The following PLXDC2 variants were observed in gnomAD, a reference collection of about 807,000 sequenced individuals.
The protein encoded by PLXDC2 is plexin domain containing 2.
PLXDC2 carries 40 observed loss-of-function variants against 68.9 expected under a neutral mutation model. The observed-to-expected ratio is 0.58, with a 90% CI of 0.45 to 0.76. The LOEUF (loss-of-function observed/expected upper bound fraction) is 0.76, where lower values mean the gene tolerates loss of function less well. Ranked by LOEUF, PLXDC2 falls within the 30% of genes least tolerant of loss-of-function variation. PLXDC2 has a pLI of 0.00. For missense variants in PLXDC2, 644 were observed against 661.9 expected (o/e 0.97, Z 0.30); for synonymous variants, 243 against 234.2 (o/e 1.04, Z -0.34).
At position 20,020,378 on chromosome 10, in the gene PLXDC2, C is replaced by T. The variant is rs143101743; in HGVS notation, c.324+18392C>T. Reference sequence around the variant, plus strand: ...ACCAGACTCCTAGTACATCTTCACTCCCAGTTCCTCATGGTCCATTTCCCA... The same window carrying T: ...ACCAGACTCCTAGTACATCTTCACTTCCAGTTCCTCATGGTCCATTTCCCA... On this transcript the variant is annotated intron_variant, in intron 2 of 13. Coordinates refer to ENST00000377252, the MANE Select transcript of PLXDC2 (RefSeq NM_032812.9). Among the ~76,000 whole-genome samples the T allele has an allele frequency of 1.7e-3, 266 of 152,010 alleles. 1 individual carries two copies. Among genetic ancestry groups the T allele is most frequent in the African/African-American group, 5.5e-3 (230 of 41,446 alleles).
chr10:19,992,843 C>T (rs1834773061), intron 1 of PLXDC2, among the ~76,000 whole-genome samples: 1 of 152,046 alleles, frequency 6.6e-6, no homozygotes, highest in Non-Finnish European at 1.5e-5. Context: ...CAGATTTTTG[C>T]TGTTTTAAAT....
intron 9 of PLXDC2, among the ~76,000 whole-genome samples, chr10:20,194,772 G>A (rs1230391176): frequency 1.2e-4 from 17 of 146,166 alleles, no homozygotes. Context: ...ATCTCCTAAT[G>A]CTATCCCTCC....
intron 1 of PLXDC2, among the ~76,000 whole-genome samples, chr10:19,891,231 C>A (rs540038873): frequency 1.3e-5 from 2 of 152,168 alleles, no homozygotes; most frequent in African/African-American, 4.8e-5. Context: ...TATTTCTATT[C>A]TCTGGATAGT....
chr10:19,919,417 C>G (rs768455819), intron 1 of PLXDC2, among the ~76,000 whole-genome samples: 4 of 152,126 alleles, frequency 2.6e-5, no homozygotes, highest in Non-Finnish European at 4.4e-5. Context: ...AACTGCCAAG[C>G]TTGTTGGGAG....
chr10:19,994,070 T>C (rs1834797747), intron 1 of PLXDC2, among the ~76,000 whole-genome samples: 2 of 152,114 alleles, frequency 1.3e-5, no homozygotes, highest in African/African-American at 4.8e-5. Flanking sequence ...CACATAGCCA[T>C]GCCCACATTC....
At chr10:20,024,460 T>C (rs4146655) in intron 2 of PLXDC2, among the ~76,000 whole-genome samples, 130,098 of 152,270 alleles carry the variant, frequency 0.85, 55,797 homozygotes, top group African/African-American at 0.91. Flanking sequence ...TGGTCTCCAA[T>C]TGAACATACG....
At chr10:19,929,990 A>G (rs1833599153) in intron 1 of PLXDC2, among the ~76,000 whole-genome samples, 1 of 152,126 alleles carries the variant, frequency 6.6e-6, no homozygotes, top group South Asian at 2.1e-4. Flanking sequence ...AGGATGTGTC[A>G]TTTGAACATC....
At chr10:19,926,460 C>T (rs1025065340) in intron 1 of PLXDC2, among the ~76,000 whole-genome samples, 2 of 152,076 alleles carry the variant, frequency 1.3e-5, no homozygotes, top group African/African-American at 4.8e-5. Flanking sequence ...TTAATAGAGG[C>T]GTCAGCAGGC....
chr10:20,289,805 G>T lies in PLXDC2; in HGVS notation c.*9986G>T, dbSNP rs1323453019. On this transcript the variant is annotated 3_prime_UTR_variant, in exon 14 of 14. Coordinates refer to ENST00000377252, the MANE Select transcript of PLXDC2 (RefSeq NM_032812.9). ...TACCTCTGTATAGATCTTTTGGACT[G>T]TACTGATTAAACTTTGATATTGTGG... is the stretch of plus-strand genomic sequence containing the variant. The T allele has an allele frequency of 6.6e-6, 1 of 152,126 alleles. No individual in the cohort carries two copies. Among genetic ancestry groups the T allele is most frequent in the African/African-American group, 2.4e-5 (1 of 41,408 alleles). 9.4% of individuals were successfully genotyped at this position (152,126 alleles called of 1,614,324 possible). A position where few individuals can be genotyped will look rare whatever the true frequency, so the allele number is the denominator to read the frequency against.
intron 3 of PLXDC2, among the ~76,000 whole-genome samples, chr10:20,064,865 A>G (rs1028665522): frequency 6.7e-6 from 1 of 150,258 alleles, no homozygotes; most frequent in Admixed American, 6.7e-5. Flanking sequence ...GATTCCGGGC[A>G]TGTTTTTGCT....
In PLXDC2 at chr10:20,283,978, C is replaced by A. The variant is rs1836114956; in HGVS notation, c.*4159C>A. ...TTTTTCGCAACAGATTCTTATGTTA[C>A]ATCTTCATGAGGGAGTATAAATTTG... On this transcript the variant is annotated 3_prime_UTR_variant, in exon 14 of 14. Coordinates refer to ENST00000377252, the MANE Select transcript of PLXDC2 (RefSeq NM_032812.9). The A allele has an allele frequency of 6.6e-6, 1 of 152,126 alleles. No individual in the cohort carries two copies. The highest frequency in any genetic ancestry group is 2.4e-5 in the African/African-American group (1 of 41,438). The allele number at this position is 152,126 out of a possible 1,614,324, so 9.4% of individuals were successfully genotyped here. A position where few individuals can be genotyped will look rare whatever the true frequency, so the allele number is the denominator to read the frequency against.
chr10:20,247,292 T>A (rs1432873682), intron 13 of PLXDC2, among the ~76,000 whole-genome samples: 1 of 127,978 alleles, frequency 7.8e-6, no homozygotes, highest in Non-Finnish European at 1.6e-5. Flanking sequence ...AAACTTCATC[T>A]CTACAAAAAA....
chr10:20,207,526 T>C (rs1462453026), intron 9 of PLXDC2, among the ~76,000 whole-genome samples: 3 of 152,200 alleles, frequency 2.0e-5, no homozygotes, highest in African/African-American at 7.2e-5. Flanking sequence ...ATTGAATTAC[T>C]TATGGTTATG....
intron 4 of PLXDC2, among the ~76,000 whole-genome samples, chr10:20,111,548 A>T (rs959546591): frequency 1.3e-5 from 2 of 152,248 alleles, no homozygotes; most frequent in African/African-American, 4.8e-5. Context: ...AGTTCAAAAG[A>T]TAAAACAAAA....
At chr10:20,007,236 A>T (rs1159957307) in intron 2 of PLXDC2, among the ~76,000 whole-genome samples, 1 of 152,194 alleles carries the variant, frequency 6.6e-6, no homozygotes, top group Non-Finnish European at 1.5e-5. Flanking sequence ...TGAAGCTCTC[A>T]TAGCAATGAT....
intron 6 of PLXDC2, among the ~76,000 whole-genome samples, chr10:20,159,062 T>C (rs1834256194): frequency 6.6e-6 from 1 of 152,172 alleles, no homozygotes; most frequent in Non-Finnish European, 1.5e-5. Context: ...CCTGGGCTCT[T>C]ACTCATGAGC....
rs535404074 is a variant in PLXDC2, at chr10:20,196,396, C to T, written c.1062-15273C>T. Among the ~76,000 whole-genome samples the T allele has an allele frequency of 5.3e-5, 8 of 152,242 alleles. No individual in the cohort carries two copies. In the South Asian group the frequency reaches 1.5e-3, roughly 28 times the overall value. On this transcript the variant is annotated intron_variant, in intron 9 of 13. Coordinates refer to ENST00000377252, the MANE Select transcript of PLXDC2 (RefSeq NM_032812.9). ...GTTAGCACTTCCCATAAGCACTTCT[C>T]GACCTGTGCTAGGTGCCATGGAGGG...
intron 12 of PLXDC2, among the ~76,000 whole-genome samples, chr10:20,223,312 ATT>A (rs58086408): frequency 2.3e-5 from 3 of 131,170 alleles, no homozygotes; most frequent in African/African-American, 8.7e-5. Flanking sequence ...ACAGAATTGA[ATT>A]TTTTTTTTTT....
intron 2 of PLXDC2, among the ~76,000 whole-genome samples, chr10:20,044,191 TTC>T (rs201580211): frequency 0.18 from 22,299 of 126,864 alleles, 2,889 homozygotes; most frequent in African/African-American, 0.27. Flanking sequence ...CTTTCTTTCT[TTC>T]TCTCTCTCTC....
Sources: allele counts gnomAD v4.1 joint callset (sites outside exome capture counted in the v4.1 genomes callset), GRCh38; gene constraint gnomAD v4.1.1; transcripts MANE v1.5; gene names NCBI Gene and HGNC (gene_info 2026-07-23, HGNC 2026-07-21).